Variants in HMCN2 observed in about 807,000 individuals in gnomAD.
HMCN2 encodes the protein hemicentin 2.
A neutral mutation model predicts 377.5 loss-of-function variants in HMCN2; 325 were observed. The observed-to-expected ratio is 0.86, with a 90% confidence interval of 0.79 to 0.94. HMCN2 has a LOEUF of 0.94. HMCN2 is among the 40% of genes least tolerant of loss of function. The probability of loss-of-function intolerance (pLI) is 0.00; values close to 1 mark genes in which losing one functional copy is unlikely to be tolerated. For missense variants in HMCN2, 4,543 were observed against 4,725.3 expected, an observed-to-expected ratio of 0.96 and a Z score of 1.13; for synonymous variants, 2,007 against 2,046.8, an observed-to-expected ratio of 0.98 and a Z score of 0.53.
At chr9:130,325,385 C>T (rs1838079692) in intron 19 of HMCN2, among the ~76,000 whole-genome samples, 1 of 152,218 alleles carries the variant, frequency 6.6e-6, no homozygotes, top group Non-Finnish European at 1.5e-5. Context: ...CATGAGCCAC[C>T]ATGTCCGACT....
chr9:130,331,935 C>T (rs1335770910), intron 22 of HMCN2, among the ~76,000 whole-genome samples: 2 of 152,092 alleles, frequency 1.3e-5, no homozygotes, highest in African/African-American at 4.8e-5. Flanking sequence ...CCTTTGATAC[C>T]CCCACCACCC....
chr9:130,355,070 G>A, intron 32 of HMCN2, 26 bp downstream of exon 32: 1 of 1,245,082 alleles, frequency 8.0e-7, no homozygotes, highest in Admixed American at 2.5e-5. Flanking sequence ...CCCACTCAGA[G>A]CTGCCTGGGC....
chr9:130,430,350 ACCGCTGCCTGTGC>A lies in HMCN2; in HGVS notation c.14396_14408del (p.Arg4799ProfsTer23). ...CAGTGCCACAACCTCCAGGGCAGCT[ACCGCTGCCTGTGC>A]CCCCCAGGCCAGACCCTCCTTCGCG... On this transcript the variant is annotated frameshift_variant, in exon 95 of 98. Coordinates refer to ENST00000683500, the MANE Select transcript of HMCN2 (RefSeq NM_001291815.2). LOFTEE classifies it high-confidence loss of function. 1 of 1,548,552 alleles carries A rather than the reference ACCGCTGCCTGTGC, an allele frequency of 6.5e-7. No homozygotes were observed. The highest frequency in any genetic ancestry group is 8.7e-7 in the Non-Finnish European group (1 of 1,146,770).
At chr9:130,322,460 C>T (rs1335625569) in intron 19 of HMCN2, among the ~76,000 whole-genome samples, 4 of 152,044 alleles carry the variant, frequency 2.6e-5, no homozygotes, top group African/African-American at 7.3e-5. Flanking sequence ...TGTCTTGGCA[C>T]CTAAGTGTTT....
rs903465745 is a variant in HMCN2, at chr9:130,422,134, C to A, written c.13232-443C>A. On this transcript the variant is annotated intron_variant, in intron 86 of 97. Transcript: ENST00000683500. This position sits in a 1 kb window ranked among gnomAD's most constrained non-coding sequence, Gnocchi z 4.2. ...GGCCAGCAGCACTGATGGAATGGGG[C>A]TGTTCAGGTGATGGCACCCGGCTCT... 9.2e-5 allele frequency among the ~76,000 whole-genome samples: 14 copies of A among 152,362 alleles called. No individual in the cohort carries two copies. Among genetic ancestry groups the A allele is most frequent in the African/African-American group, 2.9e-4 (12 of 41,586 alleles).
intron 82 of HMCN2, 51 bp downstream of exon 82, chr9:130,406,219 T>C: frequency 1.6e-6 from 2 of 1,275,142 alleles, no homozygotes; most frequent in South Asian, 2.5e-5. Context: ...CACCGGGAGG[T>C]TAAGAAGGGA....
chr9:130,340,912 G>A (rs920008260), intron 23 of HMCN2, among the ~76,000 whole-genome samples, 199 bp from the exon 24 acceptor site: 73 of 152,364 alleles, frequency 4.8e-4, no homozygotes, highest in African/African-American at 1.7e-3. Context: ...AGGAGTGCGT[G>A]TGTTCAGGTG....
chr9:130,399,743 C>T, intron 76 of HMCN2, 111 bp downstream of exon 76: 3 of 723,752 alleles, frequency 4.1e-6, no homozygotes, highest in Non-Finnish European at 5.8e-6. Flanking sequence ...CTGTGCTGCA[C>T]TGGACACCTC....
intron 22 of HMCN2, among the ~76,000 whole-genome samples, chr9:130,331,015 G>A (rs1257349867): frequency 2.0e-5 from 2 of 100,730 alleles, no homozygotes; most frequent in East Asian, 3.0e-4. Flanking sequence ...ACAAATAGCC[G>A]GACGTGGTGG....
rs1839523316 is a variant in HMCN2, at chr9:130,348,618, G to C, written c.4098G>C (p.Glu1366Asp). 7.7e-7 allele frequency: 1 copy of C among 1,304,044 alleles called. No individual in the cohort carries two copies. Among genetic ancestry groups the C allele is most frequent in the Non-Finnish European group, 1.0e-6 (1 of 988,936 alleles). 80.8% of individuals were successfully genotyped at this position (1,304,044 alleles called of 1,614,324 possible). ...SGMAGQSLTL[E>D]CDANGFPVPE... ...TGGCCGGGCAGTCCCTGACGCTGGA[G>C]TGTGACGCGAACGGCTTTCCAGTCC... is the stretch of plus-strand genomic sequence containing the variant. The change falls in exon 27 of 98, where the codon GAG becomes GAC. Residue 1366 changes from glutamate (E) to aspartate (D), a missense_variant. Physicochemically the swap from Glu to Asp is conservative, Grantham distance 45. Transcript: ENST00000683500.
chr9:130,337,846 T>C (rs1478841161), intron 22 of HMCN2, 48 bp from the exon 23 acceptor site: 1 of 28,766 alleles, frequency 3.5e-5, no homozygotes. Flanking sequence ...AGCCTTTCCA[T>C]GGGGGTGGGG....
intron 15 of HMCN2, among the ~76,000 whole-genome samples, chr9:130,316,057 G>A (rs1401747632): frequency 6.6e-6 from 1 of 152,110 alleles, no homozygotes; most frequent in Non-Finnish European, 1.5e-5. Flanking sequence ...CTGTGCCCTG[G>A]GAAGTCCCCT....
In HMCN2 at chr9:130,344,169, GC is replaced by G. The variant is rs1338603588; in HGVS notation, c.3829+1734del. 6.6e-5 allele frequency among the ~76,000 whole-genome samples: 10 copies of G among 152,366 alleles called. No individual in the cohort carries two copies. In the South Asian group the frequency reaches 1.0e-3, roughly 16 times the overall value. On this transcript the variant is annotated intron_variant, in intron 25 of 97. Coordinates refer to ENST00000683500, the MANE Select transcript of HMCN2 (RefSeq NM_001291815.2). Reference sequence around the variant, plus strand: ...AAACCATCACCCCTCCCGACCTGCAGCTCGGAAGGCCTGGCCCCCGGCGTGG... The same window carrying G: ...AAACCATCACCCCTCCCGACCTGCAGTCGGAAGGCCTGGCCCCCGGCGTGG...
intron 84 of HMCN2, 66 bp downstream of exon 84, chr9:130,408,999 C>T: frequency 9.0e-7 from 1 of 1,108,378 alleles, no homozygotes; most frequent in Non-Finnish European, 1.2e-6. Context: ...TCAGATTGTT[C>T]AAGAGGGTTC....
chr9:130,344,630 GTGTA>G (rs2131492265), intron 25 of HMCN2, among the ~76,000 whole-genome samples: 1 of 151,168 alleles, frequency 6.6e-6, no homozygotes, highest in Admixed American at 6.6e-5. Context: ...TGTGTGATGT[GTGTA>G]TGGTGTTTGG....
chr9:130,405,873 T>C lies in HMCN2; in HGVS notation c.12340-82T>C, dbSNP rs1843064339. The C allele has an allele frequency of 5.7e-6, 6 of 1,049,882 alleles. No individual in the cohort carries two copies. The South Asian group carries it at 6.0e-5, about 10-fold the overall frequency. The allele number at this position is 1,049,882 out of a possible 1,614,324, so 65.0% of individuals were successfully genotyped here. On this transcript the variant is annotated intron_variant, in intron 81 of 97. Transcript: ENST00000683500. ...TCCCCTCTCTGGGCTGGATGCTCCATGAGAACCTTCAAGGGTCAGGGGCAT... is the reference window on the plus strand; with the variant it reads ...TCCCCTCTCTGGGCTGGATGCTCCACGAGAACCTTCAAGGGTCAGGGGCAT...
At chr9:130,295,938 G>A (rs1836124515) in intron 6 of HMCN2, among the ~76,000 whole-genome samples, 166 bp downstream of exon 6, 1 of 152,218 alleles carries the variant, frequency 6.6e-6, no homozygotes, top group South Asian at 2.1e-4. Flanking sequence ...ACAGAGAAAG[G>A]GCATTTTGCC....
chr9:130,432,946 A>G, intron 97 of HMCN2: 1 of 339,076 alleles, frequency 2.9e-6, no homozygotes, highest in Non-Finnish European at 5.4e-6. Context: ...CCTTACAACT[A>G]GAAACGTAGG....
At position 130,356,152 on chromosome 9, in the gene HMCN2, A is replaced by G; in HGVS notation, c.5320A>G (p.Thr1774Ala). The G allele has an allele frequency of 7.7e-7, 1 of 1,302,722 alleles. No individual in the cohort carries two copies. Among genetic ancestry groups the G allele is most frequent in the Non-Finnish European group, 1.0e-6 (1 of 988,826 alleles). 80.7% of individuals were successfully genotyped at this position (1,302,722 alleles called of 1,614,324 possible). ...GGTGCAGGTGGCCTCGCAGGGGACC[A>G]CACTGCACATTGACCATGTGGAGCT... ...AGVQVASQGT[T>A]LHIDHVELDH... The change falls in exon 34 of 98, where the codon ACA becomes GCA. Residue 1774 changes from threonine to alanine, a missense_variant. Physicochemically the swap from Thr to Ala is moderately conservative, Grantham distance 58. This residue lies in a region of HMCN2 where 1,032 missense variants were observed against 1,285.1 expected (regional missense o/e 0.80). Transcript: ENST00000683500.
Sources: allele counts gnomAD v4.1 joint callset (sites outside exome capture counted in the v4.1 genomes callset), GRCh38; gene constraint gnomAD v4.1.1; regional missense constraint gnomAD v4.1.1; non-coding constraint Gnocchi (gnomAD v3.1); transcripts MANE v1.5; gene names NCBI Gene and HGNC (gene_info 2026-07-23, HGNC 2026-07-21).